RNF135: variants seen among roughly 807,000 people sequenced by gnomAD.
The protein encoded by RNF135 is E3 ubiquitin-protein ligase RNF135.
RNF135 carries 46 observed loss-of-function variants against 41.9 expected under a neutral mutation model. The ratio of observed to expected loss-of-function variants is 1.10; its 90% CI spans 0.87 to 1.40. RNF135 has a LOEUF of 1.40. RNF135 is among the 40% of genes most tolerant of loss of function. The pLI, the probability that RNF135 is intolerant of heterozygous loss-of-function variation, is 0.00. For synonymous variants in RNF135, 238 were observed against 223.8 expected (o/e 1.06, Z -0.57); for missense variants, 539 against 549.8 (o/e 0.98, Z 0.20).
intron 1 of RNF135, chr17:30,972,557 C>T (rs1906085854): frequency 6.6e-6 from 1 of 152,268 alleles, no homozygotes. Context: ...CATTTCTCCT[C>T]CCTCTAGCCC....
At chr17:30,993,072 T>TATTA (rs988201530) in intron 3 of RNF135, among the ~76,000 whole-genome samples, 10 of 149,642 alleles carry the variant, frequency 6.7e-5, no homozygotes, top group African/African-American at 2.5e-4. Flanking sequence ...TTATTATTAT[T>TATTA]AATTTTGAGA....
At chr17:30,976,004 ATT>A (rs1479488442) in intron 1 of RNF135, 1 of 340,432 alleles carries the variant, frequency 2.9e-6, no homozygotes, top group African/African-American at 2.1e-5. Flanking sequence ...TACTAAAAAA[ATT>A]TTTTTTGTTT....
the RNF135 span, among the ~76,000 whole-genome samples, chr17:30,963,960 AG>A: frequency 6.6e-6 from 1 of 152,146 alleles, no homozygotes; most frequent in Non-Finnish European, 1.5e-5. Flanking sequence ...CTACCAAAAA[AG>A]TTTTTAAGCA....
At chr17:30,979,649 C>A (rs1906848806) in intron 1 of RNF135, among the ~76,000 whole-genome samples, 1 of 131,970 alleles carries the variant, frequency 7.6e-6, no homozygotes, top group Non-Finnish European at 1.6e-5. Flanking sequence ...GGGCGGCTGG[C>A]CAGGCGGGGG....
rs866784606 is a variant in RNF135 at position 30,978,957 on chromosome 17, A to T, written c.373-5660A>T. ...ACAGATCTACAGGATCCCAAGGCAG[A>T]AGAATTTTTCTTAGTACAGAACAAA... On this transcript the variant is annotated intron_variant, in intron 1 of 4. Coordinates refer to ENST00000328381, the MANE Select transcript of RNF135 (RefSeq NM_032322.4). 1.2e-3 allele frequency: 235 copies of T among 204,254 alleles called. No individual in the cohort carries two copies. In the Middle Eastern group the frequency reaches 0.014, roughly 12 times the overall value. The allele number at this position is 204,254 out of a possible 1,614,324, so 12.7% of individuals were successfully genotyped here.
chr17:30,995,302 G>C (rs1389759593), intron 3 of RNF135, among the ~76,000 whole-genome samples: 1 of 152,084 alleles, frequency 6.6e-6, no homozygotes, highest in Non-Finnish European at 1.5e-5. Flanking sequence ...GCAGGAGAAT[G>C]GCGTGAACCC....
rs939827802 is a variant in RNF135, at chr17:30,986,943, A to G, written c.517-1001A>G. On this transcript the variant is annotated intron_variant, in intron 2 of 4. Coordinates refer to ENST00000328381, the MANE Select transcript of RNF135 (RefSeq NM_032322.4). ...ACCTACTTTGTGAGGTTGTTATGCA[A>G]ATGAGAGAAAGGCAATATCTAGCAT... 3.9e-5 allele frequency among the ~76,000 whole-genome samples: 6 copies of G among 152,188 alleles called. No individual in the cohort carries two copies. In the East Asian group the frequency reaches 7.7e-4, roughly 20 times the overall value.
chr17:30,970,713 T>C (rs192944969), upstream of RNF135: 858 of 299,600 alleles, frequency 2.9e-3, 12 homozygotes, highest in African/African-American at 0.018. Context: ...TCTTTTTTGT[T>C]GTTTATTTTT....
chr17:30,988,925 T>TC (rs2142718305), intron 3 of RNF135, among the ~76,000 whole-genome samples: 1 of 95,278 alleles, frequency 1.0e-5, no homozygotes, highest in Non-Finnish European at 1.7e-5. Flanking sequence ...TCTTTCTTTC[T>TC]TTTTTTTTTT....
chr17:30,969,746 C>CT (rs148332136), upstream of RNF135, among the ~76,000 whole-genome samples: 353 of 145,254 alleles, frequency 2.4e-3, 2 homozygotes, highest in African/African-American at 8.4e-3. Flanking sequence ...TCTTTCTTTT[C>CT]TTTCTTTTTT....
chr17:30,985,936 A>G (rs1229736920), intron 2 of RNF135, among the ~76,000 whole-genome samples: 2 of 152,094 alleles, frequency 1.3e-5, no homozygotes, highest in African/African-American at 2.4e-5. Context: ...GGCACCCTTC[A>G]TGGAATGCTC....
At chr17:30,970,952 A>C (rs564040417), upstream of RNF135, 17 of 1,361,530 alleles carry the variant, frequency 1.2e-5, no homozygotes, top group East Asian at 2.1e-4. Flanking sequence ...GGCGCCAAGG[A>C]AGGAGGAGAA....
intron 3 of RNF135, among the ~76,000 whole-genome samples, chr17:30,990,789 G>T (rs117685921): frequency 0.014 from 2,191 of 152,118 alleles, 18 homozygotes; most frequent in Non-Finnish European, 0.021. Flanking sequence ...TTATTTTATA[G>T]TACAGTAGTT....
At chr17:30,979,714 A>ACC (rs1228109745) in intron 1 of RNF135, among the ~76,000 whole-genome samples, 3 of 36,996 alleles carry the variant, frequency 8.1e-5, no homozygotes, top group Non-Finnish European at 1.1e-4. Flanking sequence ...CGGGGGGCTG[A>ACC]CCCCCCCCAC....
intron 1 of RNF135, among the ~76,000 whole-genome samples, chr17:30,978,330 A>G (rs902620449): frequency 6.6e-6 from 1 of 151,938 alleles, no homozygotes; most frequent in Non-Finnish European, 1.5e-5. Context: ...TTCTACCACT[A>G]TTTCTTTCTC....
rs746370673 is a variant in RNF135 at position 30,984,604 on chromosome 17, T to C, written c.373-13T>C. On this transcript the variant is annotated splice_polypyrimidine_tract_variant and intron_variant, in intron 1 of 4. Transcript: ENST00000328381. ...TTTATAGAACCCAGGACCTGAACTT[T>C]GCTATTTTGAAGGTGGCAGTAGAGA... 1.2e-6 allele frequency: 2 copies of C among 1,614,166 alleles called. No homozygotes were observed. The highest frequency in any genetic ancestry group is 2.2e-5 in the East Asian group (1 of 44,886).
rs916866692 is a variant in RNF135, at chr17:30,988,186, C to T, written c.679+80C>T. 5 of 1,367,034 alleles carry T rather than the reference C, an allele frequency of 3.7e-6. No individual in the cohort carries two copies. In the African/African-American group the frequency reaches 7.2e-5, roughly 20 times the overall value. 84.7% of individuals were successfully genotyped at this position (1,367,034 alleles called of 1,614,324 possible). The stretch of plus-strand genomic sequence containing the variant: ...GCAGAGTGCTCTATGGCTTTGTTCT[C>T]TGGGGATAGGATCCCAGAGTCCAGC... On this transcript the variant is annotated intron_variant, in intron 3 of 4. Coordinates refer to ENST00000328381, the MANE Select transcript of RNF135 (RefSeq NM_032322.4).
At chr17:30,962,431 C>T in the RNF135 span, among the ~76,000 whole-genome samples, 334 of 151,978 alleles carry the variant, frequency 2.2e-3, 1 homozygote, top group African/African-American at 7.7e-3. Flanking sequence ...CGCGCCTGGC[C>T]TATGCTGCAC....
chr17:30,981,007 C>G (rs1225160439), intron 1 of RNF135, among the ~76,000 whole-genome samples: 1 of 146,642 alleles, frequency 6.8e-6, no homozygotes, highest in African/African-American at 2.6e-5. Context: ...GAGGCCAAGG[C>G]AGGCGGCTGG....
Sources: gnomAD v4.1 joint callset for allele counts (sites outside exome capture counted in the v4.1 genomes callset) on GRCh38, gnomAD v4.1.1 for gene constraint, MANE v1.5 for transcripts, NCBI Gene and HGNC (gene_info 2026-07-23, HGNC 2026-07-21) for gene names.